Variants in INPP4B observed in about 807,000 individuals in gnomAD.
The protein encoded by INPP4B is inositol polyphosphate-4-phosphatase type II B.
In INPP4B, 55 loss-of-function variants were observed where a neutral mutation model predicts 122.5. The ratio of observed to expected loss-of-function variants is 0.45; its 90% confidence interval spans 0.36 to 0.56. The LOEUF is 0.56. INPP4B is among the 20% of genes least tolerant of loss of function. INPP4B has a pLI of 0.00. For missense variants in INPP4B, 1,000 were observed against 1,097.7 expected (o/e 0.91, Z 1.26); for synonymous variants, 403 against 388.7 (o/e 1.04, Z -0.43).
chr4:142,368,608 C>A (rs1788473396), intron 7 of INPP4B, among the ~76,000 whole-genome samples: 1 of 150,864 alleles, frequency 6.6e-6, no homozygotes, highest in Non-Finnish European at 1.5e-5. Context: ...AGGAGGCAGG[C>A]AAGGAAATAT....
At chr4:142,078,730 A>C (rs2152515568) in intron 25 of INPP4B, among the ~76,000 whole-genome samples, 1 of 152,168 alleles carries the variant, frequency 6.6e-6, no homozygotes, top group East Asian at 1.9e-4. Flanking sequence ...TAAGGACAAA[A>C]TAAAACTAAA....
intron 7 of INPP4B, among the ~76,000 whole-genome samples, chr4:142,394,501 A>C (rs1798726649): frequency 6.6e-6 from 1 of 152,176 alleles, no homozygotes; most frequent in South Asian, 2.1e-4. Flanking sequence ...TCTTTTTGAC[A>C]ATAGCCATTC....
In INPP4B at chr4:142,397,430, T is replaced by C. The variant is rs554869084; in HGVS notation, c.372+5508A>G. Among the ~76,000 whole-genome samples the C allele has an allele frequency of 3.1e-4, 47 of 152,338 alleles. 2 individuals are homozygous for C. In the South Asian group the frequency reaches 8.9e-3, roughly 29 times the overall value. On this transcript the variant is annotated intron_variant, in intron 7 of 25. Coordinates refer to ENST00000262992, the MANE Select transcript of INPP4B (RefSeq NM_001101669.3). Reference sequence around the variant, plus strand: ...TTGACCACTTCATTATAAAATTTATTTGGACAGTTTCAATTAGTTATATAT... The same window carrying C: ...TTGACCACTTCATTATAAAATTTATCTGGACAGTTTCAATTAGTTATATAT...
At chr4:142,382,754 T>G (rs1164609225) in intron 7 of INPP4B, among the ~76,000 whole-genome samples, 1 of 149,932 alleles carries the variant, frequency 6.7e-6, no homozygotes, top group Non-Finnish European at 1.5e-5. Context: ...ACACATTAGG[T>G]CTTTATTTAC....
At chr4:142,382,042 A>G (rs1349329183) in intron 7 of INPP4B, among the ~76,000 whole-genome samples, 1 of 152,158 alleles carries the variant, frequency 6.6e-6, no homozygotes, top group Non-Finnish European at 1.5e-5. Context: ...ATTTTAAAGA[A>G]AAAAACGTAT....
intron 7 of INPP4B, among the ~76,000 whole-genome samples, chr4:142,355,097 G>A (rs1783143510): frequency 6.6e-6 from 1 of 151,928 alleles, no homozygotes; most frequent in Non-Finnish European, 1.5e-5. Context: ...CTTTCACCTG[G>A]ACTTTTTATA....
chr4:142,677,863 G>GCT (rs764286978), intron 2 of INPP4B, among the ~76,000 whole-genome samples: 18 of 152,006 alleles, frequency 1.2e-4, no homozygotes, highest in Non-Finnish European at 2.1e-4. Context: ...CTAGGAGAGG[G>GCT]ATAGCATTAG....
chr4:142,433,938 A>T (rs1809873690), intron 3 of INPP4B, among the ~76,000 whole-genome samples: 1 of 152,196 alleles, frequency 6.6e-6, no homozygotes. Context: ...AGATAAAGGG[A>T]TTAAAATAAA....
chr4:142,510,065 A>G (rs958398114), intron 2 of INPP4B, among the ~76,000 whole-genome samples: 1 of 152,226 alleles, frequency 6.6e-6, no homozygotes, highest in Admixed American at 6.5e-5. Context: ...CTTTAGATCC[A>G]GATAATCCAG....
chr4:142,622,934 T>A (rs1745291629), intron 2 of INPP4B, among the ~76,000 whole-genome samples: 1 of 151,948 alleles, frequency 6.6e-6, no homozygotes, highest in African/African-American at 2.4e-5. Flanking sequence ...CCTCAATCAA[T>A]TAAAAAATTG....
At chr4:142,317,872 T>C (rs1768346153) in intron 7 of INPP4B, among the ~76,000 whole-genome samples, 2 of 152,146 alleles carry the variant, frequency 1.3e-5, no homozygotes, top group African/African-American at 4.8e-5. Context: ...CTGCAGGAAA[T>C]GGCAGGAGTT....
At chr4:142,208,114 T>C (rs1057031300) in intron 14 of INPP4B, among the ~76,000 whole-genome samples, 7 of 152,180 alleles carry the variant, frequency 4.6e-5, no homozygotes, top group Non-Finnish European at 1.5e-5. Flanking sequence ...TTATTTATTT[T>C]TTTCTAATTC....
chr4:142,208,110 ATT>A (rs1168462812), intron 14 of INPP4B, among the ~76,000 whole-genome samples: 2 of 151,938 alleles, frequency 1.3e-5, no homozygotes, highest in Admixed American at 1.3e-4. Flanking sequence ...TTTTTTATTT[ATT>A]TTTTTCTAAT....
intron 25 of INPP4B, among the ~76,000 whole-genome samples, chr4:142,068,562 T>C (rs889497650): frequency 5.3e-5 from 8 of 152,138 alleles, no homozygotes; most frequent in Non-Finnish European, 1.0e-4. Flanking sequence ...TCAAGAGCCA[T>C]CAGTGTGCTT....
intron 2 of INPP4B, among the ~76,000 whole-genome samples, chr4:142,583,233 T>G (rs942990862): frequency 6.6e-6 from 1 of 152,106 alleles, no homozygotes; most frequent in Non-Finnish European, 1.5e-5. Flanking sequence ...CTACAGTAAC[T>G]TTGAGACCTT....
chr4:142,590,836 A>C (rs1414683653), intron 2 of INPP4B, among the ~76,000 whole-genome samples: 1 of 150,456 alleles, frequency 6.6e-6, no homozygotes, highest in East Asian at 2.0e-4. Flanking sequence ...CAATAGCAGC[A>C]AAGCACAGCC....
chr4:142,197,654 G>A (rs1272837081), intron 14 of INPP4B, among the ~76,000 whole-genome samples: 1 of 152,046 alleles, frequency 6.6e-6, no homozygotes, highest in Non-Finnish European at 1.5e-5. Flanking sequence ...AATATAGTAA[G>A]ATCACAATAA....
intron 2 of INPP4B, among the ~76,000 whole-genome samples, chr4:142,486,364 G>A (rs1394424766): frequency 2.0e-5 from 3 of 151,964 alleles, no homozygotes; most frequent in African/African-American, 7.2e-5. Context: ...GCTTTTTCTT[G>A]TGACTTTTAG....
At chr4:142,404,849 A>G (rs964303844) in intron 6 of INPP4B, among the ~76,000 whole-genome samples, 2 of 151,802 alleles carry the variant, frequency 1.3e-5, no homozygotes, top group Non-Finnish European at 2.9e-5. Context: ...TAAAGTCTGT[A>G]TGTTGTTTTT....
Sources: allele counts gnomAD v4.1 joint callset (sites outside exome capture counted in the v4.1 genomes callset), GRCh38; gene constraint gnomAD v4.1.1; transcripts MANE v1.5; gene names NCBI Gene and HGNC (gene_info 2026-07-23, HGNC 2026-07-21).